Variants in PAFAH2 observed in about 807,000 individuals in gnomAD.
PAFAH2 encodes the protein platelet activating factor acetylhydrolase 2, also known as platelet-activating factor acetylhydrolase 2, cytoplasmic.
A neutral mutation model predicts 49.0 loss-of-function variants in PAFAH2; 42 were observed. That is an observed-to-expected ratio of 0.86 (90% confidence interval 0.67 to 1.11). The LOEUF is 1.11. Among genes scored for constraint, PAFAH2 ranks in the 50% least tolerant of loss-of-function variants. PAFAH2 has a pLI of 0.00. For missense variants in PAFAH2, 503 were observed against 501.8 expected, an observed-to-expected ratio of 1.00 and a Z score of -0.02; for synonymous variants, 184 against 181.3, an observed-to-expected ratio of 1.01 and a Z score of -0.12.
intron 7 of PAFAH2, among the ~76,000 whole-genome samples, chr1:25,981,102 A>AT (rs1032593656): frequency 6.6e-6 from 1 of 152,068 alleles, no homozygotes; most frequent in East Asian, 1.9e-4. Flanking sequence ...CTCTAAAAAA[A>AT]TTTTTTTTAA....
In PAFAH2 at chr1:25,976,756, G is replaced by C. The variant is rs1557519509; in HGVS notation, c.684C>G (p.Ser228Arg). Residue 228 changes from serine (S) to arginine (R), a missense_variant, in exon 8 of 11, where the codon AGC (serine) becomes AGG (arginine). Physicochemically the swap from Ser to Arg is moderately radical, Grantham distance 110. Transcript: ENST00000374282. ...ATGAATGTCCCATCACAGCCACACG[G>C]CTCATGTCAATGTTGCCCTGAGGAA... ...LMTLKGNIDM[S>R]RVAVMGHSFG... 2 of 1,613,954 alleles carry C rather than the reference G, an allele frequency of 1.2e-6. No individual in the cohort carries two copies. The highest frequency in any genetic ancestry group is 8.5e-7 in the Non-Finnish European group (1 of 1,179,948).
At chr1:25,994,893 T>C (rs1390967517) in intron 1 of PAFAH2, among the ~76,000 whole-genome samples, 2 of 152,166 alleles carry the variant, frequency 1.3e-5, no homozygotes, top group African/African-American at 4.8e-5. Context: ...TTACAGAAGC[T>C]AATTGGCCAG....
At position 25,960,102 on chromosome 1, in the gene PAFAH2, G is replaced by A. The variant is rs2049317936; in HGVS notation, c.*1887C>T. Reference sequence around the variant, plus strand: ...AATTTACCCAGTTGGCAGTGGTGGAGCCAGGACTCAAAACCAGGCTCTGTA... The same window carrying A: ...AATTTACCCAGTTGGCAGTGGTGGAACCAGGACTCAAAACCAGGCTCTGTA... On this transcript the variant is annotated 3_prime_UTR_variant, in exon 11 of 11. Transcript: ENST00000374282. The A allele has an allele frequency of 6.6e-6, 1 of 152,230 alleles. No homozygotes were observed. The highest frequency in any genetic ancestry group is 1.5e-5 in the Non-Finnish European group (1 of 68,052). 9.4% of individuals were successfully genotyped at this position (152,230 alleles called of 1,614,324 possible).
intron 10 of PAFAH2, among the ~76,000 whole-genome samples, chr1:25,962,724 C>T (rs57379454): frequency 0.01 from 1,547 of 151,724 alleles, 21 homozygotes; most frequent in African/African-American, 0.036. Context: ...ACTCAGGAGG[C>T]CAAGACTGGA....
intron 10 of PAFAH2, among the ~76,000 whole-genome samples, chr1:25,968,598 A>T (rs188337542): frequency 2.0e-5 from 3 of 152,016 alleles, no homozygotes; most frequent in African/African-American, 7.2e-5. Context: ...CTCAGAAGGA[A>T]TTTTTTTCAG....
rs2049736454 is a variant in PAFAH2, at chr1:25,983,962, T to C, written c.536A>G (p.His179Arg). The C allele has an allele frequency of 6.2e-7, 1 of 1,613,910 alleles. No homozygotes were observed. The highest frequency in any genetic ancestry group is 8.5e-7 in the Non-Finnish European group (1 of 1,179,934). The change falls in exon 6 of 11, where the codon CAT becomes CGT. Residue 179 changes from histidine to arginine, a missense_variant. Transcript: ENST00000374282. ...CAAACTTACCTGGGGATTCCGAACA[T>C]GAAATTCCTTCTCCCCTTCCTCAAC... ...RRVEEGEKEFHVRNPQVHQRV... is the reference protein window; with the variant it reads ...RRVEEGEKEFRVRNPQVHQRV...
chr1:25,994,328 A>G lies in PAFAH2; in HGVS notation c.-47-3465T>C, dbSNP rs558471180. Reference sequence around the variant, plus strand: ...TATTTATTTGTAGAGATGGAGTTTCATCATGTTGCCCAGGCTGGTCTCAAC... The same window carrying G: ...TATTTATTTGTAGAGATGGAGTTTCGTCATGTTGCCCAGGCTGGTCTCAAC... On this transcript the variant is annotated intron_variant, in intron 1 of 10. Coordinates refer to ENST00000374282, the MANE Select transcript of PAFAH2 (RefSeq NM_000437.4). Among the ~76,000 whole-genome samples, 12 of 152,094 alleles carry G rather than the reference A, an allele frequency of 7.9e-5. No homozygotes were observed. In the East Asian group the frequency reaches 1.4e-3, roughly 17 times the overall value.
intron 10 of PAFAH2, among the ~76,000 whole-genome samples, chr1:25,968,960 G>A (rs768944024): frequency 3.3e-5 from 5 of 152,072 alleles, no homozygotes; most frequent in Non-Finnish European, 7.4e-5. Flanking sequence ...AGAGCTCCCT[G>A]CCTCTCACCT....
chr1:25,962,824 A>G (rs1312074599), intron 10 of PAFAH2, among the ~76,000 whole-genome samples: 1 of 151,772 alleles, frequency 6.6e-6, no homozygotes. Context: ...TGTCTCAGAA[A>G]AAAAAAAAAA....
intron 10 of PAFAH2, among the ~76,000 whole-genome samples, chr1:25,967,008 G>A (rs1407746882): frequency 6.7e-6 from 1 of 149,028 alleles, no homozygotes; most frequent in Non-Finnish European, 1.5e-5. Flanking sequence ...CTCCAGTCTG[G>A]GCGACAGAGT....
chr1:25,982,519 A>G (rs1159553920), intron 6 of PAFAH2, 42 bp from the exon 7 acceptor site: 3 of 1,417,542 alleles, frequency 2.1e-6, no homozygotes, highest in East Asian at 2.3e-5. Flanking sequence ...ACACTCCACA[A>G]CTGTCCAGCG....
chr1:25,981,067 G>A (rs1007910310), intron 7 of PAFAH2, among the ~76,000 whole-genome samples: 4 of 152,084 alleles, frequency 2.6e-5, no homozygotes, highest in African/African-American at 9.7e-5. Flanking sequence ...TTTGAGTCCA[G>A]CCTGGGCAGA....
intron 2 of PAFAH2, among the ~76,000 whole-genome samples, chr1:25,989,954 C>G (rs2049849558): frequency 6.6e-6 from 1 of 152,098 alleles, no homozygotes; most frequent in African/African-American, 2.4e-5. Context: ...TCGTGCTGAA[C>G]AGGGTGGCCT....
At chr1:25,992,521 T>A (rs1466414149) in intron 1 of PAFAH2, among the ~76,000 whole-genome samples, 2 of 152,214 alleles carry the variant, frequency 1.3e-5, no homozygotes, top group Non-Finnish European at 2.9e-5. Flanking sequence ...ATCATCATCA[T>A]ACTTACTCTG....
intron 1 of PAFAH2, among the ~76,000 whole-genome samples, chr1:25,996,590 C>G (rs11247840): frequency 0.52 from 79,485 of 151,806 alleles, 24,538 homozygotes; most frequent in East Asian, 0.7. Context: ...TGCAGTGAGC[C>G]GAGATCGCGC....
chr1:25,971,342 C>T lies in PAFAH2; in HGVS notation c.1084+1216G>A, dbSNP rs539381912. On this transcript the variant is annotated intron_variant, in intron 10 of 10. Transcript: ENST00000374282. ...AGAGGAGCTGATACAATCAAATTGC[C>T]TCTCTTGGAAATCTGTTCAAAGAAA... 3.3e-5 allele frequency among the ~76,000 whole-genome samples: 5 copies of T among 152,214 alleles called. No homozygotes were observed. The South Asian group carries it at 1.0e-3, about 32-fold the overall frequency.
intron 9 of PAFAH2, among the ~76,000 whole-genome samples, chr1:25,973,445 A>G (rs1023043326): frequency 3.9e-5 from 6 of 152,228 alleles, no homozygotes; most frequent in Non-Finnish European, 1.5e-5. Flanking sequence ...AAAAAGGTGT[A>G]TAGAATAATA....
At chr1:25,995,059 G>A (rs900823344) in intron 1 of PAFAH2, among the ~76,000 whole-genome samples, 1 of 152,162 alleles carries the variant, frequency 6.6e-6, no homozygotes, top group Non-Finnish European at 1.5e-5. Context: ...TAAAAGTCAT[G>A]GAATTTTCCA....
At chr1:25,979,005 A>G (rs137942873) in intron 7 of PAFAH2, among the ~76,000 whole-genome samples, 1,578 of 152,350 alleles carry the variant, frequency 0.01, 11 homozygotes, top group Middle Eastern at 0.017. Flanking sequence ...ATCATGCTGC[A>G]TGTGTGCAGG....
Sources: allele counts gnomAD v4.1 joint callset (sites outside exome capture counted in the v4.1 genomes callset), GRCh38; gene constraint gnomAD v4.1.1; transcripts MANE v1.5; gene names NCBI Gene and HGNC (gene_info 2026-07-23, HGNC 2026-07-21).